The following TRPM2 variants were observed in gnomAD, a reference collection of about 807,000 sequenced individuals.
TRPM2 encodes the protein estrogen-responsive element-associated gene 1 protein.
In TRPM2, 161 loss-of-function variants were observed where a neutral mutation model predicts 174.0. That is an observed-to-expected ratio of 0.93 (90% CI 0.81 to 1.05). The LOEUF is 1.05. TRPM2 is among the 50% of genes least tolerant of loss of function. The pLI, the probability that TRPM2 is intolerant of heterozygous loss-of-function variation, is 0.00. For missense variants in TRPM2, 2,057 were observed against 2,038.0 expected, an observed-to-expected ratio of 1.01 and a Z score of -0.18; for synonymous variants, 954 against 861.3, an observed-to-expected ratio of 1.11 and a Z score of -1.88.
intron 11 of TRPM2, among the ~76,000 whole-genome samples, chr21:44,393,134 T>C (rs953560003): frequency 2.0e-5 from 3 of 152,168 alleles, no homozygotes; most frequent in African/African-American, 7.2e-5. Flanking sequence ...ATCTCCACCC[T>C]GATTCAATGA....
At chr21:44,431,034 T>A (rs1026065304) in intron 27 of TRPM2, among the ~76,000 whole-genome samples, 1 of 151,828 alleles carries the variant, frequency 6.6e-6, no homozygotes, top group Non-Finnish European at 1.5e-5. Flanking sequence ...CTTTTGGATT[T>A]GTTGATTATC....
intron 13 of TRPM2, 68 bp downstream of exon 13, chr21:44,397,944 T>A: frequency 6.8e-7 from 1 of 1,473,624 alleles, no homozygotes; most frequent in Non-Finnish European, 9.0e-7. Context: ...GGAGTTCCCA[T>A]CCCTGGGTCT....
intron 7 of TRPM2, among the ~76,000 whole-genome samples, chr21:44,378,129 G>A (rs1208769119): frequency 6.6e-6 from 1 of 152,242 alleles, no homozygotes; most frequent in African/African-American, 2.4e-5. Context: ...GATTCCTCCA[G>A]GAAGCATTTT....
chr21:44,395,581 G>A, intron 12 of TRPM2, 30 bp downstream of exon 12: 1 of 1,612,010 alleles, frequency 6.2e-7, no homozygotes, highest in East Asian at 2.2e-5. Context: ...AGTCTCAGCA[G>A]ACACAGCTAT....
chr21:44,369,509 AC>A, intron 5 of TRPM2, among the ~76,000 whole-genome samples, 166 bp downstream of exon 5: 1 of 110,262 alleles, frequency 9.1e-6, no homozygotes, highest in East Asian at 2.5e-4. Context: ...GGTGTGGGTG[AC>A]GTCTGACCGG....
At chr21:44,436,002 C>A (rs898146887) in intron 28 of TRPM2, among the ~76,000 whole-genome samples, 5 of 150,618 alleles carry the variant, frequency 3.3e-5, no homozygotes, top group Non-Finnish European at 7.4e-5. Context: ...CCACACTCAC[C>A]CCCTCAGACC....
intron 19 of TRPM2, among the ~76,000 whole-genome samples, chr21:44,407,137 C>CCCTTCCTCCCTCCCTCCCTT (rs2049925482): frequency 1.2e-5 from 1 of 84,502 alleles, no homozygotes; most frequent in Non-Finnish European, 2.3e-5. Flanking sequence ...ATTCATTCCT[C>CCCTTCCTCCCTCCCTCCCTT]CCTTCCTCCC....
rs893962851 is a variant in TRPM2, at chr21:44,405,816, C to T, written c.2658-89C>T. On this transcript the variant is annotated intron_variant, in intron 17 of 31. Transcript: ENST00000397928. ...CCTTTGCCTCCAGGGCCCACCTGGGCTAGGACAGGTGGAGGGGCGACGGGG... is the reference window on the plus strand; with the variant it reads ...CCTTTGCCTCCAGGGCCCACCTGGGTTAGGACAGGTGGAGGGGCGACGGGG... The T allele has an allele frequency of 4.6e-6, 7 of 1,520,420 alleles. No individual in the cohort carries two copies. In the South Asian group the frequency reaches 8.7e-5, roughly 19 times the overall value. The allele number at this position is 1,520,420 out of a possible 1,614,324, so 94.2% of individuals were successfully genotyped here. A position where few individuals can be genotyped will look rare whatever the true frequency, so the allele number is the denominator to read the frequency against.
At position 44,364,188 on chromosome 21, in the gene TRPM2, G is replaced by A. The variant is rs142947627; in HGVS notation, c.329G>A (p.Gly110Asp). ...GCTACCAAGCCCCACACCTTCCAGG[G>A]CACACAGTGGGACCCAAAGAAACAT... ...EEATKPHTFQ[G>D]TQWDPKKHVQ... Residue 110 changes from glycine (G) to aspartate (D), a missense_variant, in exon 3 of 32, where the codon GGC becomes GAC. Gly to Asp is a moderately conservative substitution (Grantham distance 94, BLOSUM62 -1). Transcript: ENST00000397928. The A allele has an allele frequency of 6.2e-6, 10 of 1,614,212 alleles. No homozygotes were observed. In the African/African-American group the frequency reaches 1.2e-4, roughly 19 times the overall value.
rs528065264 is a variant in TRPM2, at chr21:44,404,333, C to A, written c.2539-809C>A. Among the ~76,000 whole-genome samples the A allele has an allele frequency of 2.0e-5, 3 of 152,254 alleles. No individual in the cohort carries two copies. The East Asian group carries it at 5.8e-4, about 29-fold the overall frequency. On this transcript the variant is annotated intron_variant, in intron 16 of 31. Coordinates refer to ENST00000397928, the MANE Select transcript of TRPM2 (RefSeq NM_003307.4). Reference sequence around the variant, plus strand: ...ATGCACATACACATATACACACATGCATACACATACAAATACATGCAGACA... The same window carrying A: ...ATGCACATACACATATACACACATGAATACACATACAAATACATGCAGACA...
At chr21:44,408,576 A>G (rs1357286069) in intron 19 of TRPM2, among the ~76,000 whole-genome samples, 1 of 150,730 alleles carries the variant, frequency 6.6e-6, no homozygotes, top group Non-Finnish European at 1.5e-5. Context: ...AGGACCCGCC[A>G]TGCTGAGCAT....
At chr21:44,368,990 AC>A in intron 4 of TRPM2, 186 bp from the exon 5 acceptor site, 1 of 560,536 alleles carries the variant, frequency 1.8e-6, no homozygotes, top group Non-Finnish European at 3.0e-6. Context: ...TCCTGTTCCC[AC>A]CCCACCTGAG....
chr21:44,431,300 CT>C (rs75104915), intron 27 of TRPM2, among the ~76,000 whole-genome samples: 8,867 of 144,668 alleles, frequency 0.061, 698 homozygotes, highest in African/African-American at 0.19. Context: ...TTGTTTTGCT[CT>C]TTTTTTTTTT....
rs1167546035 is a variant in TRPM2 at position 44,423,627 on chromosome 21, A to G, written c.3462-18A>G. 3 of 1,608,012 alleles carry G rather than the reference A, an allele frequency of 1.9e-6. No homozygotes were observed. Among genetic ancestry groups the G allele is most frequent in the Non-Finnish European group, 2.5e-6 (3 of 1,177,790 alleles). On this transcript the variant is annotated intron_variant, in intron 22 of 31. Coordinates refer to ENST00000397928, the MANE Select transcript of TRPM2 (RefSeq NM_003307.4). ...CCAAGGTGTGGTGTGCGTCCAGCTC[A>G]GCTGCTTCCTCTTTCAGGGTTGACG...
chr21:44,436,264 G>A (rs967244194), intron 28 of TRPM2, among the ~76,000 whole-genome samples: 12 of 152,268 alleles, frequency 7.9e-5, no homozygotes, highest in African/African-American at 2.9e-4. Flanking sequence ...ATGGGATTCT[G>A]GGGCCCAGGC....
chr21:44,436,352 C>T (rs12481758), intron 28 of TRPM2, among the ~76,000 whole-genome samples: 107,013 of 151,952 alleles, frequency 0.7, 38,863 homozygotes, highest in East Asian at 0.86. Context: ...GGCCTTTGGC[C>T]TCAGGGTCCT....
At chr21:44,353,608 C>G, upstream of TRPM2, 1 of 1,364,354 alleles carries the variant, frequency 7.3e-7, no homozygotes, top group Non-Finnish European at 9.5e-7. Context: ...CAGCAACCAC[C>G]CCATGTGTCT....
chr21:44,435,248 T>C, intron 28 of TRPM2, 31 bp downstream of exon 28: 2 of 1,599,696 alleles, frequency 1.3e-6, no homozygotes, highest in Non-Finnish European at 1.7e-6. Flanking sequence ...CACCAGCACC[T>C]CAGCAAGGCG....
chr21:44,392,081 C>G (rs1489832244), intron 11 of TRPM2, among the ~76,000 whole-genome samples: 1 of 152,042 alleles, frequency 6.6e-6, no homozygotes, highest in Non-Finnish European at 1.5e-5. Flanking sequence ...CCTCCCACCT[C>G]AGCCTCCCAA....
Sources: allele counts gnomAD v4.1 joint callset (sites outside exome capture counted in the v4.1 genomes callset), GRCh38; gene constraint gnomAD v4.1.1; transcripts MANE v1.5; gene names NCBI Gene and HGNC (gene_info 2026-07-23, HGNC 2026-07-21).